Variants in SLC24A2 observed in about 807,000 individuals in gnomAD.
SLC24A2 encodes solute carrier family 24 member 2.
SLC24A2 carries 36 observed loss-of-function variants against 62.0 expected under a neutral mutation model. The observed-to-expected ratio is 0.58, with a 90% CI of 0.44 to 0.77. SLC24A2 has a LOEUF of 0.77. SLC24A2 is among the 30% of genes least tolerant of loss of function. SLC24A2 has a pLI of 0.00. For missense variants in SLC24A2, 846 were observed against 817.9 expected (o/e 1.03, Z -0.42); for synonymous variants, 358 against 294.0 (o/e 1.22, Z -2.23).
At position 19,551,447 on chromosome 9, in the gene SLC24A2, A is replaced by G. The variant is rs1420086391; in HGVS notation, c.1348-1179T>C. Among the ~76,000 whole-genome samples, 4 of 152,192 alleles carry G rather than the reference A, an allele frequency of 2.6e-5. No individual in the cohort carries two copies. In the South Asian group the frequency reaches 6.2e-4, roughly 24 times the overall value. ...AGCAGGGGGTGACCGTTAGCCTGTC[A>G]GCTGAGCCCTCAATACTTCCAAAAC... is the stretch of plus-strand genomic sequence containing the variant. On this transcript the variant is annotated intron_variant, in intron 7 of 10. Transcript: ENST00000341998.
the SLC24A2 span, among the ~76,000 whole-genome samples, chr9:20,074,601 GGAAA>G: frequency 0.23 from 13,330 of 58,202 alleles, 1,384 homozygotes; most frequent in Non-Finnish European, 0.26. Flanking sequence ...AAGGAAGGAA[GGAAA>G]GAAGGGAGTG....
the SLC24A2 span, among the ~76,000 whole-genome samples, chr9:20,168,899 C>T: frequency 1.3e-4 from 20 of 151,946 alleles, no homozygotes; most frequent in African/African-American, 3.1e-4. Context: ...GGCATTTGTT[C>T]GCCAATGTTC....
chr9:19,964,332 C>T, the SLC24A2 span, among the ~76,000 whole-genome samples: 1 of 151,700 alleles, frequency 6.6e-6, no homozygotes, highest in African/African-American at 2.4e-5. Flanking sequence ...AACTAACCTG[C>T]ACATTGTGCA....
At chr9:19,652,187 G>A (rs1818820355) in intron 2 of SLC24A2, among the ~76,000 whole-genome samples, 1 of 152,120 alleles carries the variant, frequency 6.6e-6, no homozygotes, top group Non-Finnish European at 1.5e-5. Flanking sequence ...ATCAGTTTTG[G>A]AGGTAGGGTA....
chr9:20,166,525 A>T, the SLC24A2 span, among the ~76,000 whole-genome samples: 1 of 152,022 alleles, frequency 6.6e-6, no homozygotes, highest in Non-Finnish European at 1.5e-5. Context: ...AGGATACCTT[A>T]TTAGGTGAAA....
At chr9:20,219,051 G>C in the SLC24A2 span, among the ~76,000 whole-genome samples, 2 of 152,198 alleles carry the variant, frequency 1.3e-5, no homozygotes, top group Non-Finnish European at 2.9e-5. Context: ...TATGATCTCT[G>C]TCATTGTATG....
chr9:19,522,806 C>A (rs554351655), intron 9 of SLC24A2, among the ~76,000 whole-genome samples: 1 of 152,332 alleles, frequency 6.6e-6, no homozygotes. Context: ...GTATGTTTTT[C>A]TGCTGATTCT....
chr9:19,783,096 T>A (rs1339070528), intron 2 of SLC24A2, among the ~76,000 whole-genome samples: 1 of 152,244 alleles, frequency 6.6e-6, no homozygotes, highest in African/African-American at 2.4e-5. Context: ...TTCATGTTTT[T>A]CCATGCTTCA....
chr9:19,714,227 G>C (rs915035901), intron 2 of SLC24A2, among the ~76,000 whole-genome samples: 1 of 152,140 alleles, frequency 6.6e-6, no homozygotes, highest in Non-Finnish European at 1.5e-5. Flanking sequence ...TTGTGAAGCT[G>C]TGCATATGCA....
At chr9:19,576,494 A>T (rs1217598865) in intron 6 of SLC24A2, among the ~76,000 whole-genome samples, 1 of 152,192 alleles carries the variant, frequency 6.6e-6, no homozygotes, top group Non-Finnish European at 1.5e-5. Flanking sequence ...GCAATATCAC[A>T]GGTATAAAAA....
chr9:20,228,531 G>A, the SLC24A2 span, among the ~76,000 whole-genome samples: 1 of 152,136 alleles, frequency 6.6e-6, no homozygotes, highest in Non-Finnish European at 1.5e-5. Context: ...AGGTGAAGGT[G>A]ACTCCAAGTG....
chr9:20,173,929 A>C, the SLC24A2 span, among the ~76,000 whole-genome samples: 1 of 152,148 alleles, frequency 6.6e-6, no homozygotes, highest in African/African-American at 2.4e-5. Context: ...TGGAGGCATC[A>C]CATTATGTAA....
the SLC24A2 span, among the ~76,000 whole-genome samples, chr9:20,224,141 A>C: frequency 6.6e-6 from 1 of 152,082 alleles, no homozygotes; most frequent in Admixed American, 6.6e-5. Flanking sequence ...ATTCAAGATG[A>C]GATTTGGGTG....
At chr9:19,659,581 A>T (rs563453144) in intron 2 of SLC24A2, among the ~76,000 whole-genome samples, 26 of 152,262 alleles carry the variant, frequency 1.7e-4, no homozygotes, top group Non-Finnish European at 3.7e-4. Context: ...ATCCTTTATA[A>T]TAATACTAAT....
At chr9:20,111,952 A>C in the SLC24A2 span, among the ~76,000 whole-genome samples, 1 of 152,220 alleles carries the variant, frequency 6.6e-6, no homozygotes, top group African/African-American at 2.4e-5. Context: ...TTTTAAAATC[A>C]GTGAACATTT....
the SLC24A2 span, among the ~76,000 whole-genome samples, chr9:20,089,125 G>T: frequency 7.9e-5 from 12 of 152,274 alleles, 1 homozygote; most frequent in African/African-American, 2.6e-4. Flanking sequence ...GGAGGGGTGT[G>T]TTGTCCTCTT....
chr9:19,837,546 C>T, the SLC24A2 span, among the ~76,000 whole-genome samples: 1 of 136,754 alleles, frequency 7.3e-6, no homozygotes, highest in Non-Finnish European at 1.5e-5. Flanking sequence ...CTATTCAACA[C>T]AGTGTTGGAA....
chr9:20,093,205 T>G, the SLC24A2 span, among the ~76,000 whole-genome samples: 1 of 152,006 alleles, frequency 6.6e-6, no homozygotes, highest in Admixed American at 6.6e-5. Context: ...CCTGAGTAGC[T>G]GGGATTACAG....
intron 2 of SLC24A2, among the ~76,000 whole-genome samples, chr9:19,674,842 A>T (rs1450764925): frequency 2.6e-5 from 4 of 152,074 alleles, no homozygotes; most frequent in African/African-American, 9.7e-5. Flanking sequence ...TGACCTTCTG[A>T]ATTCTTTTTC....
Sources: gnomAD v4.1 joint callset for allele counts (sites outside exome capture counted in the v4.1 genomes callset) on GRCh38, gnomAD v4.1.1 for gene constraint, MANE v1.5 for transcripts, NCBI Gene and HGNC (gene_info 2026-07-23, HGNC 2026-07-21) for gene names.